Variants in PDE1C observed in about 807,000 individuals in gnomAD.
PDE1C encodes the protein dual specificity calcium/calmodulin-dependent 3',5'-cyclic nucleotide phosphodiesterase 1C.
Under a neutral mutation model 93.1 loss-of-function variants are expected in PDE1C, and 62 were observed. That is an observed-to-expected ratio of 0.67 (90% confidence interval 0.54 to 0.82). The LOEUF (loss-of-function observed/expected upper bound fraction) is 0.82, where lower values mean the gene tolerates loss of function less well. PDE1C is among the 40% of genes least tolerant of loss of function. PDE1C has a pLI of 0.00. For synonymous variants in PDE1C, 325 were observed against 310.1 expected (o/e 1.05, Z -0.50); for missense variants, 742 against 884.6 (o/e 0.84, Z 2.04).
At chr7:31,693,440 T>C in the PDE1C span, among the ~76,000 whole-genome samples, 2 of 152,216 alleles carry the variant, frequency 1.3e-5, no homozygotes, top group African/African-American at 4.8e-5. Context: ...CAGCCAGGCA[T>C]TAAGATACAT....
intron 17 of PDE1C, among the ~76,000 whole-genome samples, chr7:31,759,305 C>A (rs1394056285): frequency 2.0e-5 from 3 of 152,112 alleles, no homozygotes; most frequent in Non-Finnish European, 4.4e-5. Flanking sequence ...TGAGGGTACC[C>A]TCATTAATTG....
chr7:32,333,906 G>A (rs888017776), intron 1 of PDE1C, among the ~76,000 whole-genome samples: 1 of 152,092 alleles, frequency 6.6e-6, no homozygotes, highest in Non-Finnish European at 1.5e-5. Flanking sequence ...TTTTGAACTT[G>A]TTTCATAGGC....
At chr7:32,321,398 T>C (rs2128073585) in intron 1 of PDE1C, among the ~76,000 whole-genome samples, 2 of 152,292 alleles carry the variant, frequency 1.3e-5, no homozygotes, top group Admixed American at 1.3e-4. Flanking sequence ...AAAATTACTT[T>C]TGGGTGGCTG....
intron 1 of PDE1C, among the ~76,000 whole-genome samples, chr7:32,383,724 C>T (rs1784574388): frequency 6.6e-6 from 1 of 152,136 alleles, no homozygotes; most frequent in African/African-American, 2.4e-5. Context: ...CTGATTCACC[C>T]ATTCATTCAG....
intron 1 of PDE1C, among the ~76,000 whole-genome samples, chr7:32,339,010 GCACACACACA>G (rs57740255): frequency 2.4e-4 from 33 of 138,632 alleles, no homozygotes; most frequent in Non-Finnish European, 2.9e-4. Context: ...CTCAAAAAAA[GCACACACACA>G]CACACACACA....
the PDE1C span, among the ~76,000 whole-genome samples, chr7:31,675,291 C>T: frequency 1.3e-5 from 2 of 152,306 alleles, no homozygotes; most frequent in East Asian, 3.9e-4. Context: ...TGATTACCTT[C>T]TTCCAGATTT....
At chr7:32,369,224 AT>A (rs1294473023) in intron 1 of PDE1C, among the ~76,000 whole-genome samples, 2 of 152,340 alleles carry the variant, frequency 1.3e-5, no homozygotes, top group East Asian at 1.9e-4. Context: ...ATGGAAAAAA[AT>A]ATTTGCAAAC....
chr7:32,330,685 G>A (rs759736500), intron 1 of PDE1C, among the ~76,000 whole-genome samples: 11 of 152,086 alleles, frequency 7.2e-5, no homozygotes, highest in Non-Finnish European at 1.2e-4. Flanking sequence ...GCCTGTTCCC[G>A]AGCCCCAGGC....
intron 1 of PDE1C, among the ~76,000 whole-genome samples, chr7:32,378,704 GT>G (rs1784476381): frequency 6.6e-6 from 1 of 152,162 alleles, no homozygotes; most frequent in African/African-American, 2.4e-5. Context: ...CCATCCAGAA[GT>G]GCTTCAGCGC....
chr7:31,688,516 G>A, the PDE1C span, among the ~76,000 whole-genome samples: 3 of 152,226 alleles, frequency 2.0e-5, no homozygotes, highest in African/African-American at 7.2e-5. Flanking sequence ...CTGCCTTTCT[G>A]CAATATAGTG....
intron 2 of PDE1C, among the ~76,000 whole-genome samples, chr7:31,953,125 AG>A (rs766783449): frequency 6.6e-6 from 1 of 152,228 alleles, no homozygotes; most frequent in African/African-American, 2.4e-5. Context: ...ATTAACTGGT[AG>A]CCATTTAAAA....
chr7:32,049,587 G>A (rs1468432573), intron 2 of PDE1C, among the ~76,000 whole-genome samples: 1 of 152,110 alleles, frequency 6.6e-6, no homozygotes, highest in Non-Finnish European at 1.5e-5. Flanking sequence ...TGCAACACAG[G>A]AATCTCTACT....
chr7:32,150,196 G>T (rs780449366), intron 3 of PDE1C, among the ~76,000 whole-genome samples: 16 of 152,212 alleles, frequency 1.1e-4, no homozygotes, highest in Non-Finnish European at 2.4e-4. Context: ...TTCTGGCAGA[G>T]CCACTTTGCT....
chr7:31,904,974 C>A (rs1411760116), intron 2 of PDE1C, among the ~76,000 whole-genome samples: 2 of 151,978 alleles, frequency 1.3e-5, no homozygotes, highest in African/African-American at 2.4e-5. Flanking sequence ...ATTGGCTGAA[C>A]ATACTTACTA....
At chr7:31,950,088 T>C (rs1584140996) in intron 2 of PDE1C, among the ~76,000 whole-genome samples, 1 of 152,344 alleles carries the variant, frequency 6.6e-6, no homozygotes, top group Non-Finnish European at 1.5e-5. Flanking sequence ...GACAGTGTTT[T>C]TGGCCATTTC....
Position 31,873,365 on chromosome 7 carries a change from G to T in PDE1C, c.536C>A (p.Ala179Asp). The part of the protein sequence containing the change: ...WSFDVFSLNE[A>D]SGDHALKFIF... ...AAATTTCAGTGCATGATCCCCACTG[G>T]CCTCATTGAGGGAAAAGACGTCAAA... is the stretch of plus-strand genomic sequence containing the variant. The change falls in exon 6 of 18, where the codon GCC becomes GAC. Residue 179 changes from alanine (A) to aspartate (D), a missense_variant. Coordinates refer to ENST00000396191, the MANE Select transcript of PDE1C (RefSeq NM_001191057.4). The T allele has an allele frequency of 1.2e-6, 2 of 1,613,648 alleles. No individual in the cohort carries two copies. The highest frequency in any genetic ancestry group is 1.7e-6 in the Non-Finnish European group (2 of 1,179,642).
intron 1 of PDE1C, among the ~76,000 whole-genome samples, chr7:32,383,966 C>T (rs543034731): frequency 7.5e-4 from 114 of 152,298 alleles, no homozygotes; most frequent in African/African-American, 2.6e-3. Flanking sequence ...CTCCAAAAGA[C>T]TCAGAATAGA....
intron 17 of PDE1C, among the ~76,000 whole-genome samples, chr7:31,754,593 T>C (rs76026983): frequency 0.016 from 2,471 of 152,328 alleles, 70 homozygotes; most frequent in African/African-American, 0.056. Context: ...TGGAAAGACA[T>C]GAATGAATCT....
chr7:31,828,394 A>C, intron 11 of PDE1C, 21 bp from the exon 12 acceptor site: 1 of 1,603,074 alleles, frequency 6.2e-7, no homozygotes. Context: ...AAAAGGTCAT[A>C]GTAAATTAAG....
Sources: gnomAD v4.1 joint callset for allele counts (sites outside exome capture counted in the v4.1 genomes callset) on GRCh38, gnomAD v4.1.1 for gene constraint, MANE v1.5 for transcripts, NCBI Gene and HGNC (gene_info 2026-07-23, HGNC 2026-07-21) for gene names.